Variants in CHST11 observed in about 807,000 individuals in gnomAD.
CHST11 encodes the protein C4S-1.
In CHST11, 9 loss-of-function variants were observed where a neutral mutation model predicts 30.4. The ratio of observed to expected loss-of-function variants is 0.30; its 90% CI spans 0.18 to 0.52. The LOEUF (loss-of-function observed/expected upper bound fraction) is 0.52. CHST11 is among the 20% of genes least tolerant of loss of function. The pLI is 0.97. For synonymous variants in CHST11, 152 were observed against 187.8 expected (o/e 0.81, Z 1.56); for missense variants, 348 against 460.6 (o/e 0.76, Z 2.24).
chr12:104,612,469 TA>T (rs1337428286), intron 2 of CHST11, among the ~76,000 whole-genome samples: 3 of 152,192 alleles, frequency 2.0e-5, no homozygotes, highest in African/African-American at 7.2e-5. Context: ...CATATTGGAG[TA>T]GGGGCCCACT....
intron 2 of CHST11, among the ~76,000 whole-genome samples, chr12:104,655,281 G>C (rs7978063): frequency 0.52 from 79,506 of 152,114 alleles, 21,485 homozygotes; most frequent in African/African-American, 0.63. Context: ...CGCGCCGGAG[G>C]CGCGGGCAGG....
At chr12:104,534,620 C>T (rs1327273148) in intron 1 of CHST11, among the ~76,000 whole-genome samples, 1 of 152,112 alleles carries the variant, frequency 6.6e-6, no homozygotes, top group Non-Finnish European at 1.5e-5. Flanking sequence ...GGCCACTGTC[C>T]TCTTTAATGT....
At chr12:104,617,232 A>T (rs1305601174) in intron 2 of CHST11, among the ~76,000 whole-genome samples, 1 of 152,058 alleles carries the variant, frequency 6.6e-6, no homozygotes, top group Non-Finnish European at 1.5e-5. Flanking sequence ...AGTGAAGGGG[A>T]TTTGTGGGGC....
chr12:104,464,802 C>G (rs1161998933), intron 1 of CHST11, among the ~76,000 whole-genome samples: 2 of 152,080 alleles, frequency 1.3e-5, no homozygotes, highest in Admixed American at 6.6e-5. Context: ...TAAAAATATC[C>G]AGAAAAAGTG....
chr12:104,732,387 C>G lies in CHST11; in HGVS notation c.205-24562C>G, dbSNP rs577342875. Among the ~76,000 whole-genome samples, 8 of 152,372 alleles carry G rather than the reference C, an allele frequency of 5.3e-5. No homozygotes were observed. The East Asian group carries it at 1.5e-3, about 29-fold the overall frequency. On this transcript the variant is annotated intron_variant, in intron 2 of 2. Coordinates refer to ENST00000303694, the MANE Select transcript of CHST11 (RefSeq NM_018413.6). ...AGGGTCCTGGCAGAAAAGCTAGACT[C>G]AGTGGCTGGTTTTCGTAAGTTTTGA...
rs187243866 is a variant in CHST11 at position 104,539,893 on chromosome 12, C to T, written c.119-62013C>T. Reference sequence around the variant, plus strand: ...CTCACTGTGTTGCCCAGGCTGGTCTCGAACTCGTGAGCTCAAGCAGTCCTC... The same window carrying T: ...CTCACTGTGTTGCCCAGGCTGGTCTTGAACTCGTGAGCTCAAGCAGTCCTC... On this transcript the variant is annotated intron_variant, in intron 1 of 2. Transcript: ENST00000303694. 1.8e-3 allele frequency among the ~76,000 whole-genome samples: 269 copies of T among 152,200 alleles called. 1 individual carries two copies. Among genetic ancestry groups the T allele is most frequent in the African/African-American group, 6.0e-3 (248 of 41,518 alleles).
intron 1 of CHST11, among the ~76,000 whole-genome samples, chr12:104,469,726 A>G (rs1237129476): frequency 6.6e-6 from 1 of 152,156 alleles, no homozygotes; most frequent in African/African-American, 2.4e-5. Flanking sequence ...GCACAGACCC[A>G]TTTCCTCCCT....
At chr12:104,620,907 T>C (rs1306665354) in intron 2 of CHST11, among the ~76,000 whole-genome samples, 1 of 152,192 alleles carries the variant, frequency 6.6e-6, no homozygotes, top group East Asian at 1.9e-4. Flanking sequence ...ATATTAATGG[T>C]GTAACTAAAC....
intron 1 of CHST11, among the ~76,000 whole-genome samples, chr12:104,492,294 C>T (rs2037755319): frequency 6.6e-6 from 1 of 152,166 alleles, no homozygotes; most frequent in South Asian, 2.1e-4. Flanking sequence ...GATGGGGTTT[C>T]ACTGTGTTAG....
intron 2 of CHST11, among the ~76,000 whole-genome samples, chr12:104,645,778 GA>G (rs1279690501): frequency 2.0e-5 from 3 of 151,180 alleles, no homozygotes; most frequent in African/African-American, 7.3e-5. Context: ...CCTCAAACAA[GA>G]AAAAACAACA....
chr12:104,739,972 C>T (rs962423869), intron 2 of CHST11, among the ~76,000 whole-genome samples: 1 of 152,220 alleles, frequency 6.6e-6, no homozygotes, highest in African/African-American at 2.4e-5. Context: ...GAGAGTAAAC[C>T]TTTGTTCCAT....
At chr12:104,637,837 A>G (rs189273861) in intron 2 of CHST11, among the ~76,000 whole-genome samples, 5 of 152,182 alleles carry the variant, frequency 3.3e-5, no homozygotes, top group Admixed American at 2.0e-4. Context: ...CAAAATGATC[A>G]TCTCCTCCCT....
chr12:104,645,642 A>G (rs1473037362), intron 2 of CHST11, among the ~76,000 whole-genome samples: 1 of 151,920 alleles, frequency 6.6e-6, no homozygotes, highest in Non-Finnish European at 1.5e-5. Flanking sequence ...AAGGGCTCCA[A>G]GTCCTTCCCC....
chr12:104,555,752 T>C (rs1239778537), intron 1 of CHST11, among the ~76,000 whole-genome samples: 1 of 152,266 alleles, frequency 6.6e-6, no homozygotes, highest in African/African-American at 2.4e-5. Context: ...TTGTCTTCCC[T>C]GGAGCCAACT....
intron 1 of CHST11, among the ~76,000 whole-genome samples, chr12:104,593,040 G>T (rs1489801272): frequency 2.6e-5 from 4 of 152,118 alleles, no homozygotes; most frequent in African/African-American, 9.7e-5. Flanking sequence ...TAAATCTCAC[G>T]GCTCTTGGAT....
chr12:104,681,049 C>T (rs2039791050), intron 2 of CHST11, among the ~76,000 whole-genome samples: 1 of 152,180 alleles, frequency 6.6e-6, no homozygotes, highest in Admixed American at 6.5e-5. Flanking sequence ...ACATCTAGTG[C>T]AAGGCAAGTG....
chr12:104,597,607 C>T (rs1480843387), intron 1 of CHST11, among the ~76,000 whole-genome samples: 3 of 151,940 alleles, frequency 2.0e-5, no homozygotes, highest in South Asian at 2.1e-4. Context: ...GTACCTACTA[C>T]GTGCCAAGCA....
At chr12:104,556,198 A>G (rs2038453441) in intron 1 of CHST11, among the ~76,000 whole-genome samples, 2 of 151,784 alleles carry the variant, frequency 1.3e-5, no homozygotes, top group Non-Finnish European at 2.9e-5. Context: ...TCTAACATCT[A>G]AGATGGTGTG....
intron 1 of CHST11, among the ~76,000 whole-genome samples, chr12:104,546,890 G>A (rs1017867027): frequency 1.3e-5 from 2 of 152,226 alleles, no homozygotes; most frequent in African/African-American, 4.8e-5. Flanking sequence ...ATGGTCCCAG[G>A]CTGTGCCTTT....
Sources: allele counts gnomAD v4.1 joint callset (sites outside exome capture counted in the v4.1 genomes callset), GRCh38; gene constraint gnomAD v4.1.1; transcripts MANE v1.5; gene names NCBI Gene and HGNC (gene_info 2026-07-23, HGNC 2026-07-21).